MYO18B: variants seen among roughly 807,000 people sequenced by gnomAD.
MYO18B encodes the protein myosin XVIIIB.
In MYO18B, 204 loss-of-function variants were observed where a neutral mutation model predicts 273.0. The observed-to-expected ratio is 0.75, with a 90% CI of 0.67 to 0.84. The LOEUF is 0.84. Ranked by LOEUF, MYO18B falls within the 40% of genes least tolerant of loss-of-function variation. MYO18B has a pLI of 0.00. For missense variants in MYO18B, 3,212 were observed against 3,287.6 expected, an observed-to-expected ratio of 0.98 and a Z score of 0.56; for synonymous variants, 1,330 against 1,305.7, an observed-to-expected ratio of 1.02 and a Z score of -0.40.
At chr22:25,832,189 A>G (rs777122582) in intron 15 of MYO18B, among the ~76,000 whole-genome samples, 61 of 152,210 alleles carry the variant, frequency 4.0e-4, no homozygotes, top group Admixed American at 2.6e-3. Flanking sequence ...TGTGGAAAAC[A>G]GAATGGTGGA....
At chr22:25,889,523 G>A (rs1028920809) in intron 25 of MYO18B, among the ~76,000 whole-genome samples, 3 of 151,526 alleles carry the variant, frequency 2.0e-5, no homozygotes, top group African/African-American at 7.3e-5. Context: ...TAGTTGTTGA[G>A]TCTGGACTCG....
At chr22:25,875,164 G>C (rs113754242) in intron 23 of MYO18B, among the ~76,000 whole-genome samples, 1,586 of 152,280 alleles carry the variant, frequency 0.01, 12 homozygotes, top group Admixed American at 0.019. Flanking sequence ...CTGGCCTTCT[G>C]TGCTCATGTA....
rs1289869287 is a variant in MYO18B, at chr22:25,950,412, G to A, written c.5794G>A (p.Glu1932Lys). The A allele has an allele frequency of 1.2e-6, 2 of 1,608,516 alleles. No individual in the cohort carries two copies. The highest frequency in any genetic ancestry group is 1.7e-5 in the Admixed American group (1 of 59,506). ...GQIQELQLQL[E>K]EAKKEKHKLQ... ...GATCCAAGAACTGCAGCTGCAGCTG[G>A]AGGAAGCCAAGAAGGAGAAGCACAA... is the stretch of plus-strand genomic sequence containing the variant. Residue 1932 changes from glutamate to lysine, a missense_variant, in exon 37 of 44, where the codon GAG becomes AAG. By Grantham distance (56) the Glu-to-Lys change is moderately conservative. Coordinates refer to ENST00000335473, the MANE Select transcript of MYO18B (RefSeq NM_032608.7).
intron 12 of MYO18B, among the ~76,000 whole-genome samples, chr22:25,808,382 T>G (rs1403863193): frequency 1.3e-5 from 2 of 152,156 alleles, no homozygotes; most frequent in Non-Finnish European, 2.9e-5. Flanking sequence ...GGAGTCACCA[T>G]TTTTGTGGTC....
intron 33 of MYO18B, among the ~76,000 whole-genome samples, chr22:25,917,531 T>A (rs1204728936): frequency 2.1e-5 from 3 of 145,938 alleles, no homozygotes; most frequent in Non-Finnish European, 4.5e-5. Flanking sequence ...TATTTCATTT[T>A]AAAGCTTTGT....
chr22:25,931,868 G>A (rs1402591005), intron 34 of MYO18B, among the ~76,000 whole-genome samples: 1 of 148,108 alleles, frequency 6.8e-6, no homozygotes, highest in Non-Finnish European at 1.5e-5. Flanking sequence ...TAGAGATGAA[G>A]TTTCACCATC....
At chr22:25,973,700 C>A (rs998248448) in intron 39 of MYO18B, among the ~76,000 whole-genome samples, 1 of 152,200 alleles carries the variant, frequency 6.6e-6, no homozygotes, top group East Asian at 1.9e-4. Context: ...TATTGGACAG[C>A]AGGCATGATC....
At chr22:25,907,824 C>T (rs1365967527) in intron 31 of MYO18B, among the ~76,000 whole-genome samples, 3 of 152,032 alleles carry the variant, frequency 2.0e-5, no homozygotes, top group Non-Finnish European at 4.4e-5. Flanking sequence ...CACCTGAGGT[C>T]AGGAGTTTGA....
intron 40 of MYO18B, among the ~76,000 whole-genome samples, chr22:26,000,560 C>A (rs1819212438): frequency 6.6e-6 from 1 of 150,710 alleles, no homozygotes; most frequent in Non-Finnish European, 1.5e-5. Context: ...ACAAAGCTCC[C>A]CACTGCTTCT....
At chr22:26,021,141 T>C (rs1935782479) in intron 42 of MYO18B, among the ~76,000 whole-genome samples, 1 of 152,170 alleles carries the variant, frequency 6.6e-6, no homozygotes, top group African/African-American at 2.4e-5. Flanking sequence ...GAGCTGGGAT[T>C]TGAACTCAGG....
At chr22:25,823,799 T>A (rs1177732401) in intron 13 of MYO18B, 121 bp downstream of exon 13, 3 of 1,052,378 alleles carry the variant, frequency 2.9e-6, no homozygotes, top group Non-Finnish European at 4.2e-6. Flanking sequence ...TATGAAGGCG[T>A]GTGTTAGATG....
At chr22:25,785,291 G>C in intron 10 of MYO18B, 137 bp from the exon 11 acceptor site, 1 of 706,090 alleles carries the variant, frequency 1.4e-6, no homozygotes, top group East Asian at 2.8e-5. Context: ...CAGAGTTAGT[G>C]GGGCCAAGGC....
At chr22:25,800,684 T>C (rs548486180) in intron 12 of MYO18B, among the ~76,000 whole-genome samples, 64 of 152,306 alleles carry the variant, frequency 4.2e-4, no homozygotes, top group Non-Finnish European at 7.1e-4. Flanking sequence ...AGTTGAGATA[T>C]TTATCCAGAG....
the MYO18B span, among the ~76,000 whole-genome samples, chr22:26,054,902 A>G: frequency 6.6e-6 from 1 of 152,146 alleles, no homozygotes; most frequent in Non-Finnish European, 1.5e-5. Flanking sequence ...TTTTTAACTC[A>G]TCTGGGATCT....
chr22:26,016,429 G>A (rs1248998516), intron 42 of MYO18B, among the ~76,000 whole-genome samples: 1 of 152,160 alleles, frequency 6.6e-6, no homozygotes, highest in Non-Finnish European at 1.5e-5. Flanking sequence ...ACATCCTGTA[G>A]AAATGAAACA....
chr22:25,813,676 C>T (rs1168493788), intron 12 of MYO18B, among the ~76,000 whole-genome samples: 2 of 152,192 alleles, frequency 1.3e-5, no homozygotes, highest in Non-Finnish European at 2.9e-5. Flanking sequence ...CAATGCAAGG[C>T]CTAGGGCCTC....
intron 1 of MYO18B, among the ~76,000 whole-genome samples, chr22:25,742,900 C>T (rs1052423526): frequency 2.6e-5 from 4 of 152,222 alleles, no homozygotes; most frequent in Admixed American, 2.6e-4. Flanking sequence ...TCTGGCACCC[C>T]GGATAGCAGG....
At chr22:26,057,261 C>G in the MYO18B span, among the ~76,000 whole-genome samples, 1 of 152,026 alleles carries the variant, frequency 6.6e-6, no homozygotes, top group African/African-American at 2.4e-5. Context: ...ATCTATATAA[C>G]GAATGATCAC....
At chr22:25,895,386 G>A in intron 28 of MYO18B, 106 bp downstream of exon 28, 1 of 1,374,498 alleles carries the variant, frequency 7.3e-7, no homozygotes, top group Non-Finnish European at 9.9e-7. Flanking sequence ...GAGGGAGGAA[G>A]AGGACACAAA....
Sources: allele counts gnomAD v4.1 joint callset (sites outside exome capture counted in the v4.1 genomes callset), GRCh38; gene constraint gnomAD v4.1.1; transcripts MANE v1.5; gene names NCBI Gene and HGNC (gene_info 2026-07-23, HGNC 2026-07-21).